SPATA7: variants seen among roughly 807,000 people sequenced by gnomAD.
SPATA7 encodes the protein spermatogenesis-associated protein 7.
SPATA7 carries 43 observed loss-of-function variants against 51.8 expected under a neutral mutation model. The observed-to-expected ratio is 0.83, with a 90% CI of 0.65 to 1.07. The LOEUF (loss-of-function observed/expected upper bound fraction) is 1.07. Among genes scored for constraint, SPATA7 ranks in the 50% least tolerant of loss-of-function variants. SPATA7 has a pLI of 0.00. For synonymous variants in SPATA7, 230 were observed against 252.8 expected, an observed-to-expected ratio of 0.91 and a Z score of 0.86; for missense variants, 683 against 701.3, an observed-to-expected ratio of 0.97 and a Z score of 0.30.
At chr14:88,386,114 C>T in intron 1 of SPATA7, 1 of 1,191,616 alleles carries the variant, frequency 8.4e-7, no homozygotes, top group Non-Finnish European at 1.1e-6. Context: ...CCTTTAAAAC[C>T]TCAGTAGCTC....
chr14:88,397,288 C>T (rs79394047), intron 4 of SPATA7, among the ~76,000 whole-genome samples: 5,361 of 152,202 alleles, frequency 0.035, 311 homozygotes, highest in African/African-American at 0.12. Context: ...CTTGCTTTTT[C>T]CTATTTGTTT....
At chr14:88,435,755 A>G (rs570255023) in intron 10 of SPATA7, among the ~76,000 whole-genome samples, 23 of 152,302 alleles carry the variant, frequency 1.5e-4, no homozygotes, top group Non-Finnish European at 3.1e-4. Context: ...TGCAGATGAC[A>G]GGATCTCACT....
chr14:88,426,178 C>A, intron 5 of SPATA7, 54 bp from the exon 6 acceptor site: 1 of 1,299,912 alleles, frequency 7.7e-7, no homozygotes. Flanking sequence ...CTCAAAATCC[C>A]CAATTACATG....
intron 1 of SPATA7, among the ~76,000 whole-genome samples, chr14:88,389,106 A>G (rs990343591): frequency 2.6e-5 from 4 of 152,198 alleles, no homozygotes; most frequent in Non-Finnish European, 5.9e-5. Flanking sequence ...CAAAAACAAA[A>G]AAACAGGAAA....
chr14:88,444,800 T>G (rs1442012489), intron 3 of SPATA7, among the ~76,000 whole-genome samples: 1 of 152,218 alleles, frequency 6.6e-6, no homozygotes, highest in Non-Finnish European at 1.5e-5. Context: ...GTTGTAGATA[T>G]GCGGCGTTAT....
downstream of SPATA7, among the ~76,000 whole-genome samples, chr14:88,456,756 T>C (rs1595318207): frequency 2.6e-5 from 4 of 152,314 alleles, no homozygotes; most frequent in African/African-American, 9.6e-5. Flanking sequence ...ATTTTGGCTT[T>C]TGTTGCCATT....
chr14:88,459,808 A>T (rs2077305667), downstream of SPATA7, among the ~76,000 whole-genome samples: 1 of 152,166 alleles, frequency 6.6e-6, no homozygotes, highest in Non-Finnish European at 1.5e-5. Flanking sequence ...TCTTCCTAGC[A>T]TTGATGGTCT....
In SPATA7 at chr14:88,468,874, C is replaced by T. The variant is rs56815202; in HGVS notation, c.255-973C>T. Reference sequence around the variant, plus strand: ...ACTATGTCCCTCTCTTCCCCAGCCTCATTTCCACCCAAAAAGGCCAGGTGA... The same window carrying T: ...ACTATGTCCCTCTCTTCCCCAGCCTTATTTCCACCCAAAAAGGCCAGGTGA... On this transcript the variant is annotated intron_variant, in intron 4 of 4. Transcript: ENST00000556406. The T allele has an allele frequency of 6.8e-3, 10,919 of 1,613,106 alleles. 645 individuals carry two copies. The African/African-American group carries it at 0.13, about 19-fold the overall frequency.
At chr14:88,438,726 T>C (rs947932327), downstream of SPATA7, among the ~76,000 whole-genome samples, 3 of 152,224 alleles carry the variant, frequency 2.0e-5, no homozygotes, top group African/African-American at 7.2e-5. Context: ...CTTGCAGTTA[T>C]AGATTTGAGG....
At chr14:88,444,186 T>G (rs1279519274) in intron 3 of SPATA7, among the ~76,000 whole-genome samples, 1 of 151,992 alleles carries the variant, frequency 6.6e-6, no homozygotes, top group Non-Finnish European at 1.5e-5. Context: ...CTAACTGGTG[T>G]GAGATGGTAT....
rs769209798 is a variant in SPATA7 at position 88,438,303 on chromosome 14, A to T, written c.1681A>T (p.Thr561Ser). 6.2e-7 allele frequency: 1 copy of T among 1,614,044 alleles called. No individual in the cohort carries two copies. The highest frequency in any genetic ancestry group is 2.2e-5 in the East Asian group (1 of 44,850). Residue 561 changes from threonine to serine, a missense_variant, in exon 12 of 12, where the codon ACA becomes TCA. Transcript: ENST00000393545. Reference sequence around the variant, plus strand: ...TTCAAATGGATTATGTGGTCTTAACACATCACCCTCCCAATCTGTTCAGTT... The same window carrying T: ...TTCAAATGGATTATGTGGTCTTAACTCATCACCCTCCCAATCTGTTCAGTT... The part of the protein sequence containing the change: ...EISNGLCGLN[T>S]SPSQSVQFSS...
chr14:88,433,113 A>C, intron 9 of SPATA7, 22 bp from the exon 10 acceptor site: 2 of 1,579,960 alleles, frequency 1.3e-6, no homozygotes, highest in Non-Finnish European at 1.7e-6. Context: ...TTTTTATGCT[A>C]TATATTGCCT....
chr14:88,389,579 G>A (rs1312049457), intron 1 of SPATA7, among the ~76,000 whole-genome samples: 1 of 152,108 alleles, frequency 6.6e-6, no homozygotes, highest in Non-Finnish European at 1.5e-5. Context: ...CTTGGTGTAC[G>A]TCTGATGGTA....
intron 10 of SPATA7, among the ~76,000 whole-genome samples, chr14:88,434,708 A>G (rs2140020007): frequency 6.6e-6 from 1 of 151,852 alleles, no homozygotes; most frequent in Middle Eastern, 3.4e-3. Context: ...AAAAAGAAAA[A>G]GAAAAAAGAA....
rs193205357 is a variant in SPATA7 at position 88,410,130 on chromosome 14, A to G, written c.239-6581A>G. ...TCTGCTTGGTCCAGAACTGAGTTCA[A>G]GTCCTGAATATCCTTGTTAATTTTC... On this transcript the variant is annotated intron_variant, in intron 4 of 11. Transcript: ENST00000393545. Among the ~76,000 whole-genome samples, 5 of 152,264 alleles carry G rather than the reference A, an allele frequency of 3.3e-5. No individual in the cohort carries two copies. In the East Asian group the frequency reaches 9.7e-4, roughly 29 times the overall value.
At chr14:88,429,049 A>G (rs2076869604) in intron 7 of SPATA7, 1 of 220,994 alleles carries the variant, frequency 4.5e-6, no homozygotes, top group African/African-American at 2.3e-5. Context: ...TGTTCCCTCA[A>G]ACTTACTTAA....
chr14:88,462,535 G>A (rs1337162092), intron 4 of SPATA7, among the ~76,000 whole-genome samples: 1 of 152,174 alleles, frequency 6.6e-6, no homozygotes, highest in Non-Finnish European at 1.5e-5. Context: ...AATGTCAGTG[G>A]TTTCACATTT....
intron 4 of SPATA7, among the ~76,000 whole-genome samples, chr14:88,460,643 A>T (rs1471912280): frequency 6.6e-6 from 1 of 152,052 alleles, no homozygotes; most frequent in Non-Finnish European, 1.5e-5. Flanking sequence ...GCTTCTTTGC[A>T]GTGGGTTCAA....
chr14:88,434,623 T>C (rs562489353), intron 10 of SPATA7, among the ~76,000 whole-genome samples: 27 of 150,222 alleles, frequency 1.8e-4, no homozygotes, highest in Non-Finnish European at 3.0e-4. Context: ...AAGGCGGAGG[T>C]TGCAGTGAGC....
Sources: allele counts gnomAD v4.1 joint callset (sites outside exome capture counted in the v4.1 genomes callset), GRCh38; gene constraint gnomAD v4.1.1; transcripts MANE v1.5; gene names NCBI Gene and HGNC (gene_info 2026-07-23, HGNC 2026-07-21).